LSAMP: variants seen among roughly 807,000 people sequenced by gnomAD.
The protein encoded by LSAMP is limbic system-associated membrane protein.
Under a neutral mutation model 38.6 loss-of-function variants are expected in LSAMP, and 7 were observed. That is an observed-to-expected ratio of 0.18 (90% CI 0.10 to 0.34). The LOEUF is 0.34. Ranked by LOEUF, LSAMP falls within the 10% of genes least tolerant of loss-of-function variation. The pLI, the probability that LSAMP is intolerant of heterozygous loss-of-function variation, is 1.00. For synonymous variants in LSAMP, 154 were observed against 166.8 expected, an observed-to-expected ratio of 0.92 and a Z score of 0.59; for missense variants, 313 against 420.0, an observed-to-expected ratio of 0.75 and a Z score of 2.23.
chr3:116,348,355 AT>A (rs1469463848), intron 1 of LSAMP, among the ~76,000 whole-genome samples: 1 of 152,144 alleles, frequency 6.6e-6, no homozygotes, highest in African/African-American at 2.4e-5. Flanking sequence ...TAAGGAACCC[AT>A]ACCAAAACAA....
chr3:116,255,799 G>A (rs1052607922), intron 1 of LSAMP, among the ~76,000 whole-genome samples: 7 of 152,020 alleles, frequency 4.6e-5, no homozygotes, highest in Admixed American at 1.3e-4. Context: ...GGCTATAGGA[G>A]GAAAAAAATG....
At chr3:115,881,273 A>T (rs1016696947) in intron 3 of LSAMP, among the ~76,000 whole-genome samples, 1 of 152,080 alleles carries the variant, frequency 6.6e-6, no homozygotes, top group African/African-American at 2.4e-5. Flanking sequence ...GCCAGCCTGG[A>T]CACTCTTGAA....
At chr3:115,998,864 G>C (rs570841202) in intron 3 of LSAMP, among the ~76,000 whole-genome samples, 1 of 151,926 alleles carries the variant, frequency 6.6e-6, no homozygotes, top group African/African-American at 2.4e-5. Flanking sequence ...CTCCTCTTAG[G>C]GTCCTTACTT....
chr3:115,928,973 G>GTTTTTTTTTTTTTTTTTTTTT (rs67711628), intron 3 of LSAMP, among the ~76,000 whole-genome samples: 19 of 109,918 alleles, frequency 1.7e-4, no homozygotes, highest in African/African-American at 5.7e-4. Context: ...TTTTTTGTTT[G>GTTTTTTTTTTTTTTTTTTTTT]TTTTTTTTTT....
intron 1 of LSAMP, among the ~76,000 whole-genome samples, chr3:116,113,608 G>A (rs1708674562): frequency 6.6e-6 from 1 of 150,512 alleles, no homozygotes; most frequent in African/African-American, 2.4e-5. Flanking sequence ...TGTATTTTTA[G>A]TAGAGACGGG....
chr3:116,303,304 A>G (rs1444231428), intron 1 of LSAMP, among the ~76,000 whole-genome samples: 2 of 152,210 alleles, frequency 1.3e-5, no homozygotes, highest in Non-Finnish European at 2.9e-5. Context: ...TTTAGAAGTG[A>G]AATTAAAGAT....
intron 1 of LSAMP, among the ~76,000 whole-genome samples, chr3:116,385,904 GTTATTA>G (rs1282941193): frequency 1.3e-5 from 2 of 149,848 alleles, no homozygotes; most frequent in Non-Finnish European, 1.5e-5. Context: ...GCAAGGAATA[GTTATTA>G]TTATTGACAT....
intron 1 of LSAMP, among the ~76,000 whole-genome samples, chr3:116,321,241 T>A (rs2047701784): frequency 6.6e-6 from 1 of 152,056 alleles, no homozygotes; most frequent in East Asian, 1.9e-4. Flanking sequence ...GGGTTTGTGG[T>A]GCATGCCTGT....
At chr3:116,083,314 C>T (rs1707911963) in intron 2 of LSAMP, among the ~76,000 whole-genome samples, 1 of 152,168 alleles carries the variant, frequency 6.6e-6, no homozygotes, top group African/African-American at 2.4e-5. Flanking sequence ...GGTGAGAAAA[C>T]ATGATCTCCA....
At chr3:116,251,851 T>G in intron 1 of LSAMP, among the ~76,000 whole-genome samples, 1 of 152,194 alleles carries the variant, frequency 6.6e-6, no homozygotes, top group East Asian at 1.9e-4. Context: ...TTTAAATGGA[T>G]GGTAAATAGA....
At chr3:116,075,484 C>T (rs1009167788) in intron 2 of LSAMP, among the ~76,000 whole-genome samples, 2 of 151,256 alleles carry the variant, frequency 1.3e-5, no homozygotes, top group African/African-American at 4.9e-5. Context: ...GTAATCTATT[C>T]ATATGCCAAT....
At chr3:116,151,756 C>A (rs1576395680) in intron 1 of LSAMP, among the ~76,000 whole-genome samples, 1 of 151,536 alleles carries the variant, frequency 6.6e-6, no homozygotes, top group East Asian at 1.9e-4. Context: ...AGGTCCTCAA[C>A]TCTCTGTCAC....
At chr3:116,389,605 G>A (rs572742436) in intron 1 of LSAMP, among the ~76,000 whole-genome samples, 6 of 152,156 alleles carry the variant, frequency 3.9e-5, no homozygotes, top group East Asian at 3.9e-4. Flanking sequence ...ACTAATGCAC[G>A]GCAGGGTCAC....
intron 1 of LSAMP, among the ~76,000 whole-genome samples, chr3:116,123,449 C>T (rs969176348): frequency 1.3e-5 from 2 of 152,110 alleles, no homozygotes; most frequent in Admixed American, 1.3e-4. Context: ...AGATGAGATT[C>T]CAACAATAGG....
intron 3 of LSAMP, among the ~76,000 whole-genome samples, chr3:115,901,827 A>T (rs1022951384): frequency 6.6e-6 from 1 of 152,204 alleles, no homozygotes; most frequent in African/African-American, 2.4e-5. Context: ...CAAGTAAAGA[A>T]CATAGATTCT....
At chr3:116,193,009 G>A (rs571262869) in intron 1 of LSAMP, among the ~76,000 whole-genome samples, 5 of 152,212 alleles carry the variant, frequency 3.3e-5, no homozygotes, top group African/African-American at 1.2e-4. Flanking sequence ...ACAACTCCAC[G>A]GTAGATGAAT....
At chr3:116,366,013 T>TTA (rs1553727852) in intron 1 of LSAMP, among the ~76,000 whole-genome samples, 12 of 28,686 alleles carry the variant, frequency 4.2e-4, no homozygotes, top group African/African-American at 1.3e-3. Context: ...TAGAGTATAA[T>TTA]AAAAAAAAAA....
intron 1 of LSAMP, among the ~76,000 whole-genome samples, chr3:116,289,576 C>T (rs2047237087): frequency 6.6e-6 from 1 of 152,112 alleles, no homozygotes; most frequent in Admixed American, 6.6e-5. Context: ...CCTTTCTACT[C>T]TGTTCCTTTT....
At chr3:116,188,306 G>C (rs1300820252) in intron 1 of LSAMP, among the ~76,000 whole-genome samples, 2 of 152,100 alleles carry the variant, frequency 1.3e-5, no homozygotes, top group African/African-American at 2.4e-5. Context: ...GACCCCCCAG[G>C]AACAGTTAAC....
Sources: allele counts gnomAD v4.1 joint callset (sites outside exome capture counted in the v4.1 genomes callset), GRCh38; gene constraint gnomAD v4.1.1; transcripts MANE v1.5; gene names NCBI Gene and HGNC (gene_info 2026-07-23, HGNC 2026-07-21).